The following PALS2 variants were observed in gnomAD, a reference collection of about 807,000 sequenced individuals.
PALS2 encodes protein PALS2.
A neutral mutation model predicts 61.6 loss-of-function variants in PALS2; 27 were observed. The observed-to-expected ratio is 0.44, with a 90% CI of 0.32 to 0.60. The LOEUF is 0.60. Among genes scored for constraint, PALS2 ranks in the 20% least tolerant of loss-of-function variants. PALS2 has a pLI of 0.05. For missense variants in PALS2, 554 were observed against 639.4 expected (o/e 0.87, Z 1.44); for synonymous variants, 236 against 218.6 (o/e 1.08, Z -0.70).
intron 3 of PALS2, among the ~76,000 whole-genome samples, chr7:24,643,682 C>T (rs1785680158): frequency 6.6e-6 from 1 of 152,090 alleles, no homozygotes; most frequent in African/African-American, 2.4e-5. Flanking sequence ...TTGATTATGA[C>T]ATTGACCTAT....
intron 11 of PALS2, 44 bp downstream of exon 11, chr7:24,680,564 T>A (rs1425314938): frequency 6.3e-7 from 1 of 1,582,074 alleles, no homozygotes; most frequent in Admixed American, 1.8e-5. Context: ...TTTCCTTTTC[T>A]TTTGAGCATG....
chr7:24,679,084 T>G, intron 9 of PALS2, 47 bp from the exon 10 acceptor site: 1 of 1,555,162 alleles, frequency 6.4e-7, no homozygotes. Context: ...CTATTTTTTA[T>G]GCCCTAAAAT....
chr7:24,623,176 T>C (rs1449790834), intron 1 of PALS2, among the ~76,000 whole-genome samples: 1 of 151,370 alleles, frequency 6.6e-6, no homozygotes, highest in Admixed American at 6.6e-5. Flanking sequence ...ATAGAATGAG[T>C]TGGAAGGTGT....
chr7:24,691,405 G>GTGTGTGTGTGTGTGTA lies in PALS2; in HGVS notation c.*3792_*3793insGTGTGTGTGTGTGTAT, dbSNP rs1274329385. 83 of 110,572 alleles carry GTGTGTGTGTGTGTGTA rather than the reference G, an allele frequency of 7.5e-4. No individual in the cohort carries two copies. The highest frequency in any genetic ancestry group is 2.4e-3 in the African/African-American group (79 of 32,360). 6.8% of individuals were successfully genotyped at this position (110,572 alleles called of 1,614,324 possible). A position where few individuals can be genotyped will look rare whatever the true frequency, so the allele number is the denominator to read the frequency against. On this transcript the variant is annotated 3_prime_UTR_variant, in exon 12 of 12. Coordinates refer to ENST00000222644, the MANE Select transcript of PALS2 (RefSeq NM_001303037.2). ...ATATTATGTATGTGTGTGTGTGTGT[G>GTGTGTGTGTGTGTGTA]TATATATATATATATATATATATAT...
intron 1 of PALS2, among the ~76,000 whole-genome samples, chr7:24,581,335 G>C (rs922522452): frequency 2.0e-5 from 3 of 151,540 alleles, no homozygotes; most frequent in African/African-American, 7.3e-5. Flanking sequence ...ACTTGTGAAG[G>C]CATTTAGTGC....
At chr7:24,665,269 C>T (rs1212521639) in intron 6 of PALS2, among the ~76,000 whole-genome samples, 2 of 152,112 alleles carry the variant, frequency 1.3e-5, no homozygotes, top group Non-Finnish European at 2.9e-5. Flanking sequence ...GATAAAATGT[C>T]CTGTTAATAC....
intron 2 of PALS2, among the ~76,000 whole-genome samples, chr7:24,635,837 CAA>C (rs1017845285): frequency 1.8e-4 from 27 of 152,170 alleles, no homozygotes; most frequent in Admixed American, 3.9e-4. Flanking sequence ...CTTTTTCTTA[CAA>C]GTTATGCTGT....
intron 9 of PALS2, among the ~76,000 whole-genome samples, chr7:24,678,421 A>C (rs1260223748): frequency 6.6e-6 from 1 of 152,222 alleles, no homozygotes; most frequent in African/African-American, 2.4e-5. Flanking sequence ...CTACCACTGA[A>C]GTATAAAATA....
rs1290099624 is a variant in PALS2, at chr7:24,691,791, C to T, written c.*4177C>T. ...TCAGGCTGAGATTATGATACCTGCC[C>T]TTGTCTTATTTCAAGAGGTTTGCTG... is the stretch of plus-strand genomic sequence containing the variant. On this transcript the variant is annotated 3_prime_UTR_variant, in exon 12 of 12. Coordinates refer to ENST00000222644, the MANE Select transcript of PALS2 (RefSeq NM_001303037.2). The T allele has an allele frequency of 6.6e-6, 1 of 151,836 alleles. No individual in the cohort carries two copies. Among genetic ancestry groups the T allele is most frequent in the Non-Finnish European group, 1.5e-5 (1 of 67,894 alleles). 9.4% of individuals were successfully genotyped at this position (151,836 alleles called of 1,614,324 possible).
At chr7:24,629,248 C>T (rs994247146) in intron 2 of PALS2, among the ~76,000 whole-genome samples, 1 of 152,074 alleles carries the variant, frequency 6.6e-6, no homozygotes, top group Admixed American at 6.6e-5. Flanking sequence ...GGAAAGGATT[C>T]GCTATTTAAT....
intron 8 of PALS2, among the ~76,000 whole-genome samples, chr7:24,666,531 T>G: frequency 6.6e-6 from 1 of 152,186 alleles, no homozygotes; most frequent in East Asian, 1.9e-4. Flanking sequence ...CAAATAAATC[T>G]TAGTCTGATC....
Position 24,687,383 on chromosome 7 carries a change from G to A in PALS2, c.1447-55G>A. 7.4e-7 allele frequency: 1 copy of A among 1,356,088 alleles called. No homozygotes were observed. Among genetic ancestry groups the A allele is most frequent in the South Asian group, 1.3e-5 (1 of 78,940 alleles). 84.0% of individuals were successfully genotyped at this position (1,356,088 alleles called of 1,614,324 possible). On this transcript the variant is annotated intron_variant, in intron 11 of 11. Transcript: ENST00000222644. This position sits in a 1 kb window ranked among gnomAD's most constrained non-coding sequence, Gnocchi z 4.5. ...TTATATTCACTTCTAGTTGGAGTTT[G>A]AGCAAGTAAATATGCATTGTAATAC...
At chr7:24,667,869 T>C (rs1485038408) in intron 8 of PALS2, among the ~76,000 whole-genome samples, 1 of 152,004 alleles carries the variant, frequency 6.6e-6, no homozygotes, top group Non-Finnish European at 1.5e-5. Flanking sequence ...GGTTTCACCA[T>C]GTTGGCCAGG....
chr7:24,652,288 A>C (rs1786194811), intron 5 of PALS2, among the ~76,000 whole-genome samples: 1 of 152,186 alleles, frequency 6.6e-6, no homozygotes, highest in African/African-American at 2.4e-5. Context: ...TTTACAGGCA[A>C]AATAAAATTT....
intron 2 of PALS2, among the ~76,000 whole-genome samples, chr7:24,625,211 T>A (rs1358637597): frequency 6.6e-6 from 1 of 152,190 alleles, no homozygotes; most frequent in South Asian, 2.1e-4. Context: ...TGGGTTCTTA[T>A]TGTACTTTTA....
At chr7:24,683,878 A>G (rs1043098404) in intron 11 of PALS2, among the ~76,000 whole-genome samples, 1 of 152,202 alleles carries the variant, frequency 6.6e-6, no homozygotes, top group African/African-American at 2.4e-5. Context: ...TTATATGTCT[A>G]ATTCCTTTCT....
At chr7:24,600,181 G>T (rs1449428091) in intron 1 of PALS2, among the ~76,000 whole-genome samples, 1 of 152,032 alleles carries the variant, frequency 6.6e-6, no homozygotes, top group African/African-American at 2.4e-5. Context: ...CATTGTTGGG[G>T]TTCATGTTTT....
At chr7:24,651,752 A>G (rs1292245606) in intron 5 of PALS2, among the ~76,000 whole-genome samples, 1 of 152,254 alleles carries the variant, frequency 6.6e-6, no homozygotes, top group East Asian at 1.9e-4. Context: ...TGTATGAATG[A>G]AATTATAAGT....
At chr7:24,576,800 T>C (rs945892087) in intron 1 of PALS2, among the ~76,000 whole-genome samples, 2 of 152,196 alleles carry the variant, frequency 1.3e-5, no homozygotes, top group African/African-American at 4.8e-5. Flanking sequence ...AAAAAGCTTT[T>C]GGAGGAGAAG....
Sources: gnomAD v4.1 joint callset for allele counts (sites outside exome capture counted in the v4.1 genomes callset) on GRCh38, gnomAD v4.1.1 for gene constraint, Gnocchi (gnomAD v3.1) non-coding constraint, MANE v1.5 for transcripts, NCBI Gene and HGNC (gene_info 2026-07-23, HGNC 2026-07-21) for gene names.